The following EIF2A variants were observed in gnomAD, a reference collection of about 807,000 sequenced individuals.
EIF2A encodes the protein 65 kDa eukaryotic translation initiation factor 2A.
EIF2A carries 62 observed loss-of-function variants against 75.2 expected under a neutral mutation model. The ratio of observed to expected loss-of-function variants is 0.82; its 90% CI spans 0.67 to 1.02. The LOEUF (loss-of-function observed/expected upper bound fraction) is 1.02. EIF2A is among the 50% of genes least tolerant of loss of function. The pLI is 0.00. For synonymous variants in EIF2A, 207 were observed against 239.0 expected, an observed-to-expected ratio of 0.87 and a Z score of 1.23; for missense variants, 611 against 677.7, an observed-to-expected ratio of 0.90 and a Z score of 1.09.
chr3:150,562,574 T>C lies in EIF2A; in HGVS notation c.206T>C (p.Leu69Pro). The change falls in exon 4 of 14, where the codon CTA becomes CCA. Residue 69 changes from leucine to proline, a missense_variant. By Grantham distance (98) the Leu-to-Pro change is moderately conservative. Coordinates refer to ENST00000460851, the MANE Select transcript of EIF2A (RefSeq NM_032025.5). Reference protein sequence around the residue: ...VNIISVTNKGLLHSFDLLKAV... With the variant: ...VNIISVTNKGPLHSFDLLKAV... ...ATTATCAGTGTCACTAACAAGGGAC[T>C]ACTGCACTCCTTCGACCTCCTGAAG... 1 of 1,613,570 alleles carries C rather than the reference T, an allele frequency of 6.2e-7. No individual in the cohort carries two copies. The highest frequency in any genetic ancestry group is 1.7e-5 in the Admixed American group (1 of 59,974).
chr3:150,573,876 G>A (rs975873484), intron 10 of EIF2A, among the ~76,000 whole-genome samples: 7 of 152,152 alleles, frequency 4.6e-5, no homozygotes, highest in African/African-American at 1.7e-4. Flanking sequence ...TATACTTAAA[G>A]AATATTTATT....
At chr3:150,550,810 G>C (rs934941749) in intron 1 of EIF2A, among the ~76,000 whole-genome samples, 2 of 152,206 alleles carry the variant, frequency 1.3e-5, no homozygotes, top group Admixed American at 6.5e-5. Context: ...GGGACTACAG[G>C]CATGTGCCAC....
intron 3 of EIF2A, among the ~76,000 whole-genome samples, chr3:150,559,386 C>T (rs1216300228): frequency 1.3e-5 from 2 of 151,764 alleles, no homozygotes; most frequent in East Asian, 3.9e-4. Context: ...TTAATAGAGA[C>T]AGGGTCTTGT....
At chr3:150,582,182 G>A (rs764384426) in intron 12 of EIF2A, among the ~76,000 whole-genome samples, 1 of 150,794 alleles carries the variant, frequency 6.6e-6, no homozygotes, top group Non-Finnish European at 1.5e-5. Context: ...TATATTTTTA[G>A]TAGAGACAGG....
chr3:150,584,245 A>T lies in EIF2A; in HGVS notation c.*334A>T. 1 of 179,238 alleles carries T rather than the reference A, an allele frequency of 5.6e-6. No homozygotes were observed. Among genetic ancestry groups the T allele is most frequent in the Non-Finnish European group, 1.2e-5 (1 of 86,536 alleles). The allele number at this position is 179,238 out of a possible 1,614,324, so 11.1% of individuals were successfully genotyped here. On this transcript the variant is annotated 3_prime_UTR_variant, in exon 14 of 14. Transcript: ENST00000460851. ...GAACAAAGACATTTTAAATTTAATC[A>T]CTGTTTTTATTATAAGTTCCTTAGT...
intron 11 of EIF2A, among the ~76,000 whole-genome samples, chr3:150,580,558 C>A (rs567864064): frequency 6.6e-6 from 1 of 152,280 alleles, no homozygotes; most frequent in African/African-American, 2.4e-5. Flanking sequence ...TAGCACTAAT[C>A]TCTTTTTTCT....
chr3:150,555,432 AT>A (rs1186991752), intron 2 of EIF2A, among the ~76,000 whole-genome samples: 1 of 150,724 alleles, frequency 6.6e-6, no homozygotes, highest in African/African-American at 2.4e-5. Context: ...AAATTTTTTT[AT>A]TTTTAGTAGA....
At chr3:150,553,200 C>T (rs1003062696) in intron 2 of EIF2A, among the ~76,000 whole-genome samples, 3 of 151,704 alleles carry the variant, frequency 2.0e-5, no homozygotes, top group African/African-American at 4.8e-5. Flanking sequence ...CGCCTGTAAT[C>T]CCAGCTACTC....
rs984561689 is a variant in EIF2A at position 150,584,937 on chromosome 3, C to A, written c.*1026C>A. ...GAAAATTAAGTCTGTTCCACTACCA[C>A]ATTTTCCAGTTTTTTGTGTATCTTT... On this transcript the variant is annotated 3_prime_UTR_variant, in exon 14 of 14. Coordinates refer to ENST00000460851, the MANE Select transcript of EIF2A (RefSeq NM_032025.5). Among the ~76,000 whole-genome samples, 39 of 151,852 alleles carry A rather than the reference C, an allele frequency of 2.6e-4. No individual in the cohort carries two copies. Among genetic ancestry groups the A allele is most frequent in the Admixed American group, 7.9e-4 (12 of 15,260 alleles).
rs928733846 is a variant in EIF2A, at chr3:150,585,298, T to A, written c.*1387T>A. The A allele has an allele frequency of 5.9e-5, 9 of 152,340 alleles. No individual in the cohort carries two copies. The highest frequency in any genetic ancestry group is 2.2e-4 in the African/African-American group (9 of 41,440). 9.4% of individuals were successfully genotyped at this position (152,340 alleles called of 1,614,324 possible). ...ACCTTGGGAGGCCAAGGTGGGTGGA[T>A]CACCTGAGGTCAGGAGTTCAAGACC... is the stretch of plus-strand genomic sequence containing the variant. On this transcript the variant is annotated 3_prime_UTR_variant, in exon 14 of 14. Coordinates refer to ENST00000460851, the MANE Select transcript of EIF2A (RefSeq NM_032025.5).
chr3:150,547,056 G>A (rs185603017), intron 1 of EIF2A: 2 of 585,884 alleles, frequency 3.4e-6, no homozygotes, highest in East Asian at 2.8e-5. Flanking sequence ...CATCATTCTT[G>A]CCTGCGGATT....
chr3:150,574,919 TAG>T (rs1366612793), intron 10 of EIF2A, among the ~76,000 whole-genome samples: 1 of 152,330 alleles, frequency 6.6e-6, no homozygotes. Context: ...CTGAATCTGA[TAG>T]AGAGTTGTAG....
chr3:150,569,792 T>C (rs995529166), intron 9 of EIF2A, among the ~76,000 whole-genome samples: 1 of 151,608 alleles, frequency 6.6e-6, no homozygotes, highest in Non-Finnish European at 1.5e-5. Context: ...TCCAGCCCGC[T>C]GACAGGGTGA....
chr3:150,566,394 G>C (rs910759120), intron 6 of EIF2A: 2 of 151,912 alleles, frequency 1.3e-5, no homozygotes, highest in African/African-American at 4.8e-5. Context: ...CTCATTGAAG[G>C]AAACATTAAA....
intron 2 of EIF2A, among the ~76,000 whole-genome samples, chr3:150,554,057 C>G (rs750348847): frequency 1.2e-4 from 19 of 152,152 alleles, no homozygotes; most frequent in Admixed American, 7.2e-4. Flanking sequence ...GTTGAGGTAG[C>G]AACTTTTGTG....
rs777308633 is a variant in EIF2A, at chr3:150,567,732, A to AT, written c.519dup (p.Val174CysfsTer19). The AT allele has an allele frequency of 2.6e-6, 4 of 1,556,288 alleles. No individual in the cohort carries two copies. The South Asian group carries it at 4.7e-5, about 18-fold the overall frequency. On this transcript the variant is annotated frameshift_variant, in exon 7 of 14. Coordinates refer to ENST00000460851, the MANE Select transcript of EIF2A (RefSeq NM_032025.5). LOFTEE classifies it high-confidence loss of function. ...AAATTGCATTTGCAAAAAATTAATG[A>AT]TTTTGTATTATCACCTGGACCCCAA...
At chr3:150,560,714 GTCTTT>G (rs1723802408) in intron 3 of EIF2A, among the ~76,000 whole-genome samples, 2 of 122,176 alleles carry the variant, frequency 1.6e-5, no homozygotes, top group Admixed American at 9.2e-5. Flanking sequence ...AAGATGGAGA[GTCTTT>G]TTTTTTTTTT....
chr3:150,547,616 CTA>C (rs1188541775), intron 1 of EIF2A, among the ~76,000 whole-genome samples: 3 of 152,096 alleles, frequency 2.0e-5, no homozygotes, highest in Non-Finnish European at 4.4e-5. Context: ...GTTCTGATAA[CTA>C]TATAGAAGGA....
chr3:150,585,741 C>A lies in EIF2A; in HGVS notation c.*1830C>A, dbSNP rs762165406. ...AAAACTCGTATGTTGAAGCCCTAAC[C>A]TCCAACGTGGTGGTATTGGGAGATG... On this transcript the variant is annotated 3_prime_UTR_variant, in exon 14 of 14. Coordinates refer to ENST00000460851, the MANE Select transcript of EIF2A (RefSeq NM_032025.5). 6.6e-6 allele frequency among the ~76,000 whole-genome samples: 1 copy of A among 152,178 alleles called. No individual in the cohort carries two copies. The highest frequency in any genetic ancestry group is 2.1e-4 in the South Asian group (1 of 4,830).
Sources: gnomAD v4.1 joint callset for allele counts (sites outside exome capture counted in the v4.1 genomes callset) on GRCh38, gnomAD v4.1.1 for gene constraint, MANE v1.5 for transcripts, NCBI Gene and HGNC (gene_info 2026-07-23, HGNC 2026-07-21) for gene names.